The following VIT variants were observed in gnomAD, a reference collection of about 807,000 sequenced individuals.
VIT encodes vitrin.
In VIT, 99 loss-of-function variants were observed where a neutral mutation model predicts 78.0. The observed-to-expected ratio is 1.27, with a 90% CI of 1.08 to 1.50. VIT has a LOEUF of 1.50. Among genes scored for constraint, VIT ranks in the 40% most tolerant of loss-of-function variants. The pLI, the probability that VIT is intolerant of heterozygous loss-of-function variation, is 0.00. For missense variants in VIT, 1,126 were observed against 875.3 expected (o/e 1.29, Z -3.61); for synonymous variants, 374 against 334.3 (o/e 1.12, Z -1.29).
intron 3 of VIT, among the ~76,000 whole-genome samples, chr2:36,739,336 C>G (rs755741891): frequency 2.6e-5 from 4 of 152,144 alleles, no homozygotes; most frequent in African/African-American, 9.7e-5. Context: ...TTTGATTTGG[C>G]CTACTACATA....
intron 8 of VIT, 40 bp from the exon 9 acceptor site, chr2:36,774,962 G>A (rs1348942466): frequency 2.5e-6 from 4 of 1,607,856 alleles, no homozygotes; most frequent in South Asian, 1.1e-5. Context: ...GCAGCCTGCT[G>A]GTTGTGTGTA....
intron 1 of VIT, among the ~76,000 whole-genome samples, chr2:36,713,457 G>A (rs997590951): frequency 8.5e-5 from 13 of 152,180 alleles, no homozygotes; most frequent in Admixed American, 1.3e-4. Context: ...TAAAGACTTC[G>A]GCTTTTCTTC....
At chr2:36,761,040 C>A (rs572176518) in intron 6 of VIT, among the ~76,000 whole-genome samples, 3 of 152,152 alleles carry the variant, frequency 2.0e-5, no homozygotes, top group Non-Finnish European at 4.4e-5. Context: ...ATGTCAAGCA[C>A]CCCCTATTTT....
chr2:36,727,231 CT>C (rs1186725130), intron 2 of VIT, among the ~76,000 whole-genome samples: 1 of 152,164 alleles, frequency 6.6e-6, no homozygotes, highest in Non-Finnish European at 1.5e-5. Flanking sequence ...CAGACAGCCT[CT>C]CTTCTGAGGC....
At chr2:36,802,510 A>G (rs1380746119) in intron 13 of VIT, among the ~76,000 whole-genome samples, 1 of 152,214 alleles carries the variant, frequency 6.6e-6, no homozygotes, top group African/African-American at 2.4e-5. Context: ...TGACCAGAAC[A>G]TTAGTATCTA....
intron 12 of VIT, chr2:36,787,903 T>G: frequency 2.3e-6 from 1 of 443,460 alleles, no homozygotes; most frequent in Non-Finnish European, 4.5e-6. Context: ...ACCTGCTCTA[T>G]TATTATACTT....
rs140104536 is a variant in VIT, at chr2:36,773,813, C to G, written c.702C>G (p.Tyr234Ter). ...QEMDLWSTATYTSSQNRPRAD... is the reference protein window; with the variant it reads ...QEMDLWSTAT ...CAGATCTCTGGTCCACTGCCACCTA[C>G]ACAAGCAGCCAAAACAGGCCCAGAG... Residue 234 changes from tyrosine to a stop codon, truncating the protein, a stop_gained, in exon 8 of 16, where the codon TAC becomes TAG. Coordinates refer to ENST00000379242, the MANE Select transcript of VIT (RefSeq NM_053276.4). LOFTEE classifies it high-confidence loss of function. The G allele has an allele frequency of 0.01, 16,505 of 1,604,824 alleles. 100 individuals carry two copies. Among genetic ancestry groups the G allele is most frequent in the Non-Finnish European group, 0.012 (14,444 of 1,174,372 alleles).
chr2:36,810,246 C>T (rs185665350), intron 15 of VIT, among the ~76,000 whole-genome samples: 107 of 150,432 alleles, frequency 7.1e-4, no homozygotes, highest in Admixed American at 1.3e-3. Context: ...GAGCCGAGAT[C>T]GTGCCATTGC....
intron 5 of VIT, among the ~76,000 whole-genome samples, chr2:36,757,564 T>G (rs1194858325): frequency 6.6e-6 from 1 of 152,220 alleles, no homozygotes; most frequent in African/African-American, 2.4e-5. Context: ...TCTCTGGGCC[T>G]AAAATAACCT....
rs563764703 is a variant in VIT at position 36,761,474 on chromosome 2, C to G, written c.487+2428C>G. The stretch of plus-strand genomic sequence containing the variant: ...GGGTACTTGTGGCCGGGCGCAGTGG[C>G]TCACACCTGTAATCCCAGCACTTTG... On this transcript the variant is annotated intron_variant, in intron 6 of 15. Transcript: ENST00000379242. Among the ~76,000 whole-genome samples, 25 of 152,234 alleles carry G rather than the reference C, an allele frequency of 1.6e-4. No homozygotes were observed. The South Asian group carries it at 4.6e-3, about 28-fold the overall frequency.
At chr2:36,735,840 C>A (rs1332119515) in intron 3 of VIT, among the ~76,000 whole-genome samples, 1 of 152,198 alleles carries the variant, frequency 6.6e-6, no homozygotes, top group East Asian at 1.9e-4. Flanking sequence ...TTTTCAAAGC[C>A]TGGAGAGAGT....
In VIT at chr2:36,730,566, T is replaced by C. The variant is rs1667139523; in HGVS notation, c.118+1075T>C. Among the ~76,000 whole-genome samples the C allele has an allele frequency of 2.0e-5, 3 of 152,324 alleles. No individual in the cohort carries two copies. The South Asian group carries it at 6.2e-4, about 32-fold the overall frequency. On this transcript the variant is annotated intron_variant, in intron 3 of 15. Coordinates refer to ENST00000379242, the MANE Select transcript of VIT (RefSeq NM_053276.4). Reference sequence around the variant, plus strand: ...GATGCAGGATTTTTCTTCTCAGTCATTTTGCAAGCCAGGGAACCCCAGCCG... The same window carrying C: ...GATGCAGGATTTTTCTTCTCAGTCACTTTGCAAGCCAGGGAACCCCAGCCG...
At chr2:36,720,871 A>G (rs959211221) in intron 2 of VIT, among the ~76,000 whole-genome samples, 2 of 152,156 alleles carry the variant, frequency 1.3e-5, no homozygotes, top group African/African-American at 4.8e-5. Flanking sequence ...TTAGCCAGGT[A>G]TGGTAGCGGG....
At chr2:36,798,919 T>C (rs2148660843) in intron 12 of VIT, among the ~76,000 whole-genome samples, 1 of 152,276 alleles carries the variant, frequency 6.6e-6, no homozygotes, top group Admixed American at 6.5e-5. Flanking sequence ...ACACTGTAGG[T>C]TGATAGGAAG....
chr2:36,706,310 G>A (rs759426), intron 1 of VIT, among the ~76,000 whole-genome samples: 71,888 of 151,986 alleles, frequency 0.47, 17,455 homozygotes, highest in South Asian at 0.6. Flanking sequence ...AGGGGAACAG[G>A]ACATAACTAG....
intron 7 of VIT, among the ~76,000 whole-genome samples, chr2:36,771,747 T>C (rs996848134): frequency 2.6e-5 from 4 of 152,084 alleles, no homozygotes; most frequent in Non-Finnish European, 1.5e-5. Context: ...ACAGATGCTG[T>C]TCATAATTTT....
chr2:36,797,986 A>C (rs2276668), intron 12 of VIT, among the ~76,000 whole-genome samples: 18,924 of 152,124 alleles, frequency 0.12, 1,682 homozygotes, highest in African/African-American at 0.25. Flanking sequence ...GGGGCTTTCC[A>C]GATGAGGGAA....
intron 6 of VIT, among the ~76,000 whole-genome samples, chr2:36,765,145 G>A (rs543626647): frequency 7.2e-5 from 11 of 152,208 alleles, no homozygotes; most frequent in African/African-American, 2.2e-4. Context: ...AGATCGTGAC[G>A]GGGCGGTTAT....
intron 3 of VIT, among the ~76,000 whole-genome samples, chr2:36,733,425 G>A (rs770538264): frequency 6.9e-4 from 105 of 152,152 alleles, no homozygotes; most frequent in Non-Finnish European, 8.8e-4. Flanking sequence ...TGCATCAGGC[G>A]AGCCTGGCAG....
Sources: allele counts gnomAD v4.1 joint callset (sites outside exome capture counted in the v4.1 genomes callset), GRCh38; gene constraint gnomAD v4.1.1; transcripts MANE v1.5; gene names NCBI Gene and HGNC (gene_info 2026-07-23, HGNC 2026-07-21).